The following NAALADL2 variants were observed in gnomAD, a reference collection of about 807,000 sequenced individuals.
NAALADL2 encodes inactive N-acetylated-alpha-linked acidic dipeptidase-like protein 2.
Under a neutral mutation model 87.2 loss-of-function variants are expected in NAALADL2, and 76 were observed. The observed-to-expected ratio is 0.87, with a 90% CI of 0.72 to 1.05. NAALADL2 has a LOEUF of 1.05. Among genes scored for constraint, NAALADL2 ranks in the 50% least tolerant of loss-of-function variants. The probability of loss-of-function intolerance (pLI) is 0.00; values close to 1 mark genes in which losing one functional copy is unlikely to be tolerated. For synonymous variants in NAALADL2, 354 were observed against 331.0 expected (o/e 1.07, Z -0.75); for missense variants, 1,089 against 945.8 (o/e 1.15, Z -1.99).
At chr3:174,998,477 C>T (rs898145019) in intron 1 of NAALADL2, among the ~76,000 whole-genome samples, 2 of 152,178 alleles carry the variant, frequency 1.3e-5, no homozygotes, top group Non-Finnish European at 2.9e-5. Flanking sequence ...GAAAATAAAT[C>T]CTGGAGCTTA....
At chr3:175,381,316 G>A (rs1273550555) in intron 5 of NAALADL2, among the ~76,000 whole-genome samples, 4 of 151,374 alleles carry the variant, frequency 2.6e-5, no homozygotes, top group Admixed American at 6.6e-5. Context: ...AGTTGTAGAG[G>A]GGAAAGCAAA....
At chr3:175,082,268 A>T (rs1404484925) in intron 1 of NAALADL2, among the ~76,000 whole-genome samples, 1 of 152,206 alleles carries the variant, frequency 6.6e-6, no homozygotes, top group Non-Finnish European at 1.5e-5. Context: ...CAGGGGCTTT[A>T]AAAGGGTCTT....
intron 4 of NAALADL2, among the ~76,000 whole-genome samples, chr3:175,263,886 C>T (rs6778086): frequency 1.3e-5 from 2 of 151,312 alleles, no homozygotes; most frequent in Non-Finnish European, 3.0e-5. Flanking sequence ...TAAGCTCTAG[C>T]TATATTTTGG....
intron 1 of NAALADL2, among the ~76,000 whole-genome samples, chr3:175,028,040 A>G (rs1752412925): frequency 6.6e-6 from 1 of 151,966 alleles, no homozygotes. Flanking sequence ...ACCTTCAGAA[A>G]CTTTGCAATC....
At chr3:175,150,622 A>G (rs1342768722) in intron 2 of NAALADL2, among the ~76,000 whole-genome samples, 1 of 152,178 alleles carries the variant, frequency 6.6e-6, no homozygotes, top group African/African-American at 2.4e-5. Flanking sequence ...ATTTGCATTC[A>G]TTTGTCATAA....
At chr3:174,448,282 G>A (rs1466061344) in intron 1 of NAALADL2, among the ~76,000 whole-genome samples, 1 of 152,152 alleles carries the variant, frequency 6.6e-6, no homozygotes, top group Non-Finnish European at 1.5e-5. Flanking sequence ...CAATGTGTGT[G>A]TATAGTTCTG....
chr3:175,241,614 G>T (rs1487188614), intron 3 of NAALADL2, among the ~76,000 whole-genome samples: 1 of 152,064 alleles, frequency 6.6e-6, no homozygotes, highest in Non-Finnish European at 1.5e-5. Context: ...TTAAAATTTA[G>T]ACAGGACCAT....
rs180941901 is a variant in NAALADL2 at position 175,358,050 on chromosome 3, A to G, written c.1090+33725A>G. On this transcript the variant is annotated intron_variant, in intron 5 of 13. Coordinates refer to ENST00000454872, the MANE Select transcript of NAALADL2 (RefSeq NM_207015.3). ...ATGTAGAAAAGCTCTAAGAACTGAA[A>G]TGCATGCCATTGATGATGAAAACCA... Among the ~76,000 whole-genome samples the G allele has an allele frequency of 5.8e-4, 89 of 152,288 alleles. No homozygotes were observed. The East Asian group carries it at 0.013, about 23-fold the overall frequency.
At chr3:175,324,470 A>T in intron 5 of NAALADL2, 145 bp downstream of exon 5, 1 of 654,532 alleles carries the variant, frequency 1.5e-6, no homozygotes, top group Non-Finnish European at 2.5e-6. Context: ...TTTATTTTTT[A>T]TCTTCTCATA....
intron 1 of NAALADL2, among the ~76,000 whole-genome samples, chr3:174,998,184 A>G (rs1462380269): frequency 1.3e-5 from 2 of 152,192 alleles, no homozygotes; most frequent in African/African-American, 4.8e-5. Context: ...TTTGTGCATT[A>G]TGTATGAATT....
chr3:174,858,352 G>T (rs940984466), upstream of NAALADL2, among the ~76,000 whole-genome samples: 1 of 151,880 alleles, frequency 6.6e-6, no homozygotes, highest in Non-Finnish European at 1.5e-5. Context: ...CCTTAATTCT[G>T]TGATATCTTT....
chr3:175,623,283 T>C (rs1488309704), intron 10 of NAALADL2, among the ~76,000 whole-genome samples: 1 of 64,962 alleles, frequency 1.5e-5, no homozygotes, highest in Non-Finnish European at 3.9e-5. Flanking sequence ...ATACAGCTTT[T>C]ATTTGTGCCT....
At chr3:175,138,918 A>ATATATATATATG (rs1553787384) in intron 2 of NAALADL2, among the ~76,000 whole-genome samples, 1 of 136,392 alleles carries the variant, frequency 7.3e-6, no homozygotes, top group Non-Finnish European at 1.6e-5. Context: ...ATATATATAT[A>ATATATATATATG]TATATATGAT....
chr3:174,959,781 G>A (rs899391627), intron 1 of NAALADL2, among the ~76,000 whole-genome samples: 1 of 152,034 alleles, frequency 6.6e-6, no homozygotes, highest in Non-Finnish European at 1.5e-5. Context: ...CTGAATACAG[G>A]CTTAAGCACT....
At chr3:175,090,775 T>C (rs1241257949) in intron 1 of NAALADL2, among the ~76,000 whole-genome samples, 2 of 152,150 alleles carry the variant, frequency 1.3e-5, no homozygotes, top group Non-Finnish European at 2.9e-5. Context: ...CTGACTAATT[T>C]ATTTTTCTAA....
intron 10 of NAALADL2, among the ~76,000 whole-genome samples, chr3:175,609,835 G>C (rs555933030): frequency 6.6e-6 from 1 of 152,192 alleles, no homozygotes; most frequent in South Asian, 2.1e-4. Flanking sequence ...GTTTTGATGA[G>C]GAGTTTAGGA....
rs1560475424 is a variant in NAALADL2, at chr3:175,013,169, A to AATATATATTTATATATAAATATAT, written c.44-83618_44-83617insTATATTTATATATAAATATATATA. On this transcript the variant is annotated intron_variant, in intron 1 of 13. Transcript: ENST00000454872. ...AATACATATTTATATATAAATATGTAATACATATTTATATATAAATATATA... is the reference window on the plus strand; with the variant it reads ...AATACATATTTATATATAAATATGTAATATATATTTATATATAAATATATATACATATTTATATATAAATATATA... 2.5e-4 allele frequency among the ~76,000 whole-genome samples: 28 copies of AATATATATTTATATATAAATATAT among 110,076 alleles called. 6 individuals carry two copies. The highest frequency in any genetic ancestry group is 6.9e-4 in the African/African-American group (21 of 30,540). The allele number at this position is 110,076 out of a possible 152,430, so 72.2% of individuals were successfully genotyped here.
At chr3:175,006,988 A>T (rs1749120976) in intron 1 of NAALADL2, among the ~76,000 whole-genome samples, 1 of 151,702 alleles carries the variant, frequency 6.6e-6, no homozygotes, top group Admixed American at 6.6e-5. Flanking sequence ...TTTCAATTTA[A>T]TCACAATAAT....
chr3:174,559,925 G>A (rs1713380696), intron 2 of NAALADL2, among the ~76,000 whole-genome samples: 2 of 152,298 alleles, frequency 1.3e-5, no homozygotes, highest in South Asian at 4.1e-4. Flanking sequence ...AATCAGCTCC[G>A]ACTCTACCAC....
Sources: allele counts gnomAD v4.1 joint callset (sites outside exome capture counted in the v4.1 genomes callset), GRCh38; gene constraint gnomAD v4.1.1; transcripts MANE v1.5; gene names NCBI Gene and HGNC (gene_info 2026-07-23, HGNC 2026-07-21).